Variants in PDZD2 observed in about 807,000 individuals in gnomAD.
PDZD2 encodes PDZ domain-containing protein 2.
In PDZD2, 90 loss-of-function variants were observed where a neutral mutation model predicts 220.7. That is an observed-to-expected ratio of 0.41 (90% CI 0.34 to 0.49). PDZD2 has a LOEUF of 0.49. Among genes scored for constraint, PDZD2 ranks in the 20% least tolerant of loss-of-function variants. The pLI is 0.28. For synonymous variants in PDZD2, 1,375 were observed against 1,450.5 expected, an observed-to-expected ratio of 0.95 and a Z score of 1.18; for missense variants, 3,174 against 3,608.5, an observed-to-expected ratio of 0.88 and a Z score of 3.08.
At chr5:32,018,413 C>T (rs1753938919) in intron 6 of PDZD2, among the ~76,000 whole-genome samples, 1 of 152,252 alleles carries the variant, frequency 6.6e-6, no homozygotes, top group Non-Finnish European at 1.5e-5. Context: ...CTATTTTCTG[C>T]AGTTCAGGGA....
chr5:31,840,078 A>G (rs1220494176), intron 2 of PDZD2, among the ~76,000 whole-genome samples: 1 of 151,902 alleles, frequency 6.6e-6, no homozygotes, highest in Non-Finnish European at 1.5e-5. Flanking sequence ...AAATACAGAA[A>G]TTAGCCAGGC....
At position 32,090,889 on chromosome 5, in the gene PDZD2, AAG is replaced by A; in HGVS notation, c.7442_7443del (p.Lys2481ThrfsTer11). ...HTQPSPVSRS[K>X]LQELRALSMP... ...GCAGCCCTCGCCCGTGTCCCGCTCC[AAG>A]CTCCAGGAGCTGAGAGCCTTGAGCA... On this transcript the variant is annotated frameshift_variant, in exon 20 of 25. Transcript: ENST00000438447. LOFTEE classifies it high-confidence loss of function. The surrounding 1 kb of genome is among the most constrained non-coding windows in gnomAD (Gnocchi z 4.3). The A allele has an allele frequency of 6.2e-7, 1 of 1,613,988 alleles. No individual in the cohort carries two copies. Among genetic ancestry groups the A allele is most frequent in the Non-Finnish European group, 8.5e-7 (1 of 1,180,008 alleles).
chr5:31,647,268 G>A (rs1026612791), intron 1 of PDZD2, among the ~76,000 whole-genome samples: 1 of 152,180 alleles, frequency 6.6e-6, no homozygotes, highest in African/African-American at 2.4e-5. Flanking sequence ...GGCAGGCACT[G>A]TTCTAGACAC....
At chr5:31,867,239 T>C (rs1400588049) in intron 2 of PDZD2, among the ~76,000 whole-genome samples, 1 of 152,208 alleles carries the variant, frequency 6.6e-6, no homozygotes, top group Admixed American at 6.5e-5. Context: ...CCTAATGGGA[T>C]GCAGACAGCA....
At chr5:31,768,555 T>C (rs1580718002) in intron 1 of PDZD2, among the ~76,000 whole-genome samples, 1 of 151,608 alleles carries the variant, frequency 6.6e-6, no homozygotes, top group African/African-American at 2.4e-5. Context: ...AGCAAGAGAA[T>C]TGCTTGAACC....
chr5:31,647,321 A>G (rs1745172213), intron 1 of PDZD2, among the ~76,000 whole-genome samples: 1 of 152,212 alleles, frequency 6.6e-6, no homozygotes, highest in Non-Finnish European at 1.5e-5. Context: ...CTGATGAGGT[A>G]CATACTGTTA....
intron 1 of PDZD2, among the ~76,000 whole-genome samples, chr5:31,670,098 T>G (rs168825): frequency 0.51 from 77,811 of 151,966 alleles, 20,639 homozygotes; most frequent in East Asian, 0.78. Context: ...CACTCCTAAC[T>G]GCTAAGCTCA....
chr5:32,028,662 A>ATTTTTTTTTTTTTTTTTTTTTTTTT, intron 6 of PDZD2, among the ~76,000 whole-genome samples: 1 of 66,916 alleles, frequency 1.5e-5, no homozygotes. Context: ...TGCTCCTTCT[A>ATTTTTTTTTTTTTTTTTTTTTTTTT]TTTTTTTTTT....
rs962192804 is a variant in PDZD2, at chr5:31,794,397, T to C, written c.-360-4492T>C. On this transcript the variant is annotated intron_variant, in intron 1 of 24. Transcript: ENST00000438447. ...TCATAGTTGGTTTCTTTCTTTCTTTTTTTTTTTTTTTTTTTTTTGAGATGG... is the reference window on the plus strand; with the variant it reads ...TCATAGTTGGTTTCTTTCTTTCTTTCTTTTTTTTTTTTTTTTTTGAGATGG... 7.5e-3 allele frequency among the ~76,000 whole-genome samples: 648 copies of C among 86,598 alleles called. 3 individuals are homozygous for C. The highest frequency in any genetic ancestry group is 0.032 in the African/African-American group (606 of 18,984). The allele number at this position is 86,598 out of a possible 152,430, so 56.8% of individuals were successfully genotyped here.
At chr5:31,683,680 T>C (rs1746739430) in intron 1 of PDZD2, among the ~76,000 whole-genome samples, 1 of 152,222 alleles carries the variant, frequency 6.6e-6, no homozygotes. Context: ...GTAGTCTGTC[T>C]TATGGACGTT....
intron 6 of PDZD2, among the ~76,000 whole-genome samples, chr5:32,015,703 A>G (rs761970621): frequency 3.1e-4 from 46 of 147,240 alleles, no homozygotes; most frequent in Non-Finnish European, 5.6e-4. Context: ...TGAAAAAGAA[A>G]GAGATTTTTC....
At chr5:31,678,716 C>T (rs1018139900) in intron 1 of PDZD2, among the ~76,000 whole-genome samples, 1 of 152,172 alleles carries the variant, frequency 6.6e-6, no homozygotes, top group Non-Finnish European at 1.5e-5. Context: ...AAGCCATCTT[C>T]CCACCTCAGC....
At chr5:31,775,664 CGTGTGTGTGTGTGTGTGTGT>C (rs370394146) in intron 1 of PDZD2, among the ~76,000 whole-genome samples, 1 of 135,374 alleles carries the variant, frequency 7.4e-6, no homozygotes, top group East Asian at 2.2e-4. Context: ...ACTCACAGAG[CGTGTGTGTGTGTGTGTGTGT>C]GTGTGTGTGT....
In PDZD2 at chr5:32,087,741, C is replaced by G. The variant is rs576060844; in HGVS notation, c.4293C>G (p.Ile1431Met). The G allele has an allele frequency of 1.2e-6, 2 of 1,613,926 alleles. No homozygotes were observed. The change falls in exon 20 of 25, where the codon ATC becomes ATG. Residue 1431 changes from isoleucine to methionine, a missense_variant. By Grantham distance (10) the Ile-to-Met change is conservative. Transcript: ENST00000438447. The surrounding 1 kb of genome is among the most constrained non-coding windows in gnomAD (Gnocchi z 4.0). ...CTGTGACGGACATTGACAGCTTCATCAAGGAGCTGGATGCTTCTGCAGCAA... is the reference window on the plus strand; with the variant it reads ...CTGTGACGGACATTGACAGCTTCATGAAGGAGCTGGATGCTTCTGCAGCAA... ...ESPVTDIDSF[I>M]KELDASAARS...
At chr5:31,699,336 CA>C (rs1456798542) in intron 1 of PDZD2, among the ~76,000 whole-genome samples, 1 of 152,084 alleles carries the variant, frequency 6.6e-6, no homozygotes, top group African/African-American at 2.4e-5. Flanking sequence ...ATGTTGAAGG[CA>C]GAGGCACGAA....
chr5:31,908,061 T>G (rs1742817161), intron 2 of PDZD2, among the ~76,000 whole-genome samples: 1 of 115,854 alleles, frequency 8.6e-6, no homozygotes, highest in Non-Finnish European at 1.6e-5. Context: ...CTAGCCTGGG[T>G]GACAGAGCCA....
chr5:31,982,772 G>A (rs1037549611), intron 2 of PDZD2, among the ~76,000 whole-genome samples: 9 of 152,136 alleles, frequency 5.9e-5, no homozygotes, highest in South Asian at 2.1e-4. Flanking sequence ...TATTCCATTG[G>A]AACTATATGG....
At chr5:31,834,786 T>C (rs1490042422) in intron 2 of PDZD2, among the ~76,000 whole-genome samples, 1 of 151,822 alleles carries the variant, frequency 6.6e-6, no homozygotes, top group African/African-American at 2.4e-5. Flanking sequence ...CTAATGCAAA[T>C]GACAAGTTGA....
At chr5:31,801,151 A>G (rs1441490879) in intron 2 of PDZD2, among the ~76,000 whole-genome samples, 1 of 152,176 alleles carries the variant, frequency 6.6e-6, no homozygotes, top group Non-Finnish European at 1.5e-5. Flanking sequence ...GATCCAGTAC[A>G]TGGAAAGGAA....
Sources: allele counts gnomAD v4.1 joint callset (sites outside exome capture counted in the v4.1 genomes callset), GRCh38; gene constraint gnomAD v4.1.1; non-coding constraint Gnocchi (gnomAD v3.1); transcripts MANE v1.5; gene names NCBI Gene and HGNC (gene_info 2026-07-23, HGNC 2026-07-21).